VPS13C: variants seen among roughly 807,000 people sequenced by gnomAD.
VPS13C encodes intermembrane lipid transfer protein VPS13C.
In VPS13C, 358 loss-of-function variants were observed where a neutral mutation model predicts 456.8. The ratio of observed to expected loss-of-function variants is 0.78; its 90% CI spans 0.72 to 0.86. The LOEUF is 0.86. Ranked by LOEUF, VPS13C falls within the 40% of genes least tolerant of loss-of-function variation. VPS13C has a pLI of 0.00. For synonymous variants in VPS13C, 1,578 were observed against 1,486.7 expected, an observed-to-expected ratio of 1.06 and a Z score of -1.41; for missense variants, 4,818 against 4,385.4, an observed-to-expected ratio of 1.10 and a Z score of -2.79.
At chr15:62,047,933 AAAC>A (rs988388372) in intron 1 of VPS13C, among the ~76,000 whole-genome samples, 4 of 152,162 alleles carry the variant, frequency 2.6e-5, no homozygotes, top group African/African-American at 9.7e-5. Flanking sequence ...TTCTACCTTA[AAAC>A]AACATAATAA....
rs2046222405 is a variant in VPS13C at position 61,991,538 on chromosome 15, T to G, written c.1483+135A>C. The G allele has an allele frequency of 4.5e-6, 4 of 891,714 alleles. No homozygotes were observed. The South Asian group carries it at 1.4e-4, about 31-fold the overall frequency. The allele number at this position is 891,714 out of a possible 1,614,324, so 55.2% of individuals were successfully genotyped here. A position where few individuals can be genotyped will look rare whatever the true frequency, so the allele number is the denominator to read the frequency against. On this transcript the variant is annotated intron_variant, in intron 17 of 84. Transcript: ENST00000644861. The stretch of plus-strand genomic sequence containing the variant: ...ACAGGAATATTCCAGCCTGATGTAT[T>G]TGCTTATATATTTACTATACTGAGG...
At chr15:61,999,298 G>C (rs1197869234) in intron 16 of VPS13C, among the ~76,000 whole-genome samples, 1 of 151,506 alleles carries the variant, frequency 6.6e-6, no homozygotes, top group Non-Finnish European at 1.5e-5. Flanking sequence ...AGAATCGCTT[G>C]AAACCTGGGA....
chr15:61,878,175 A>G (rs1437194005), intron 74 of VPS13C, among the ~76,000 whole-genome samples: 1 of 151,636 alleles, frequency 6.6e-6, no homozygotes, highest in South Asian at 2.1e-4. Context: ...TGTACATGTA[A>G]GGTAAAAATG....
chr15:62,010,748 A>G (rs1252740375), intron 12 of VPS13C, 149 bp from the exon 13 acceptor site: 5 of 849,218 alleles, frequency 5.9e-6, no homozygotes, highest in Non-Finnish European at 8.2e-6. Flanking sequence ...ATATTTAAGC[A>G]ATTTAAGCTT....
intron 15 of VPS13C, among the ~76,000 whole-genome samples, chr15:62,005,956 A>T (rs1596465732): frequency 6.6e-6 from 1 of 151,900 alleles, no homozygotes; most frequent in Non-Finnish European, 1.5e-5. Flanking sequence ...CGCCCGCCTC[A>T]GCCTCCCAAA....
chr15:62,057,137 G>A (rs1401658400), intron 1 of VPS13C, among the ~76,000 whole-genome samples: 1 of 152,058 alleles, frequency 6.6e-6, no homozygotes, highest in Middle Eastern at 3.2e-3. Context: ...ACCCTGTGGG[G>A]CTGGTCCCTA....
chr15:61,995,883 G>A (rs746986221), intron 16 of VPS13C, among the ~76,000 whole-genome samples: 3 of 152,200 alleles, frequency 2.0e-5, no homozygotes, highest in Non-Finnish European at 2.9e-5. Context: ...AAGCCACTAC[G>A]TTTGTTATAC....
chr15:62,006,732 G>A (rs1181391122), intron 15 of VPS13C, among the ~76,000 whole-genome samples: 1 of 152,152 alleles, frequency 6.6e-6, no homozygotes, highest in African/African-American at 2.4e-5. Flanking sequence ...CAGTGTAAAA[G>A]TGTTCCTATT....
intron 75 of VPS13C, among the ~76,000 whole-genome samples, chr15:61,876,551 A>G (rs1272504016): frequency 1.3e-5 from 2 of 151,980 alleles, no homozygotes; most frequent in East Asian, 3.9e-4. Flanking sequence ...ATGGTATAGC[A>G]ATTGTACCAA....
At chr15:61,975,092 G>A (rs1334606448) in intron 24 of VPS13C, among the ~76,000 whole-genome samples, 1 of 152,076 alleles carries the variant, frequency 6.6e-6, no homozygotes, top group African/African-American at 2.4e-5. Flanking sequence ...GCTGACAGAT[G>A]CCTAATTGCT....
intron 12 of VPS13C, among the ~76,000 whole-genome samples, chr15:62,011,812 C>G (rs1046339432): frequency 6.6e-6 from 1 of 151,724 alleles, no homozygotes; most frequent in Non-Finnish European, 1.5e-5. Context: ...AAATCTAAAT[C>G]CTAAAACAAA....
intron 31 of VPS13C, among the ~76,000 whole-genome samples, chr15:61,964,436 G>A (rs1361548587): frequency 6.6e-6 from 1 of 152,016 alleles, no homozygotes; most frequent in South Asian, 2.1e-4. Context: ...GAAGAGCTCA[G>A]TATAAATACA....
At chr15:61,999,728 C>A (rs1442606302) in intron 16 of VPS13C, among the ~76,000 whole-genome samples, 1 of 150,836 alleles carries the variant, frequency 6.6e-6, no homozygotes, top group East Asian at 1.9e-4. Context: ...GAACACTGCG[C>A]ACAAGGCATC....
chr15:61,934,972 CG>C (rs2044178174), intron 48 of VPS13C, among the ~76,000 whole-genome samples: 1 of 152,052 alleles, frequency 6.6e-6, no homozygotes, highest in African/African-American at 2.4e-5. Context: ...AGGCAGGTCT[CG>C]ATCTCCTGAC....
intron 1 of VPS13C, among the ~76,000 whole-genome samples, chr15:62,054,143 T>C (rs972504830): frequency 2.0e-5 from 3 of 152,230 alleles, no homozygotes; most frequent in African/African-American, 7.2e-5. Flanking sequence ...TTTTCAAATA[T>C]ATGTTACTCT....
At chr15:62,023,237 T>C (rs377410860) in intron 8 of VPS13C, among the ~76,000 whole-genome samples, 174 bp downstream of exon 8, 1 of 152,004 alleles carries the variant, frequency 6.6e-6, no homozygotes, top group East Asian at 1.9e-4. Flanking sequence ...AGTATATTTA[T>C]GTACATAAAT....
intron 50 of VPS13C, 91 bp from the exon 51 acceptor site, chr15:61,929,839 C>A (rs749526754): frequency 2.3e-5 from 29 of 1,262,558 alleles, no homozygotes; most frequent in Non-Finnish European, 3.1e-5. Context: ...ATCTTTATTT[C>A]ACCTTTCAGT....
At chr15:61,945,578 A>T in intron 45 of VPS13C, 137 bp downstream of exon 45, 1 of 549,788 alleles carries the variant, frequency 1.8e-6, no homozygotes, top group Non-Finnish European at 2.9e-6. Context: ...GGATTTCTTT[A>T]AATATTAACA....
intron 6 of VPS13C, among the ~76,000 whole-genome samples, chr15:62,025,531 ACATAGACTCAG>A (rs1231947233): frequency 6.6e-6 from 1 of 152,116 alleles, no homozygotes; most frequent in African/African-American, 2.4e-5. Flanking sequence ...GCTTTCAAAG[ACATAGACTCAG>A]CTGCCTCGTG....
Sources: allele counts gnomAD v4.1 joint callset (sites outside exome capture counted in the v4.1 genomes callset), GRCh38; gene constraint gnomAD v4.1.1; transcripts MANE v1.5; gene names NCBI Gene and HGNC (gene_info 2026-07-23, HGNC 2026-07-21).